Variants in SLC25A48 observed in about 807,000 individuals in gnomAD.
SLC25A48 encodes the protein solute carrier family 25 member 48.
A neutral mutation model predicts 32.2 loss-of-function variants in SLC25A48; 29 were observed. That is an observed-to-expected ratio of 0.90 (90% CI 0.67 to 1.23). The LOEUF (loss-of-function observed/expected upper bound fraction) is 1.23. Among genes scored for constraint, SLC25A48 ranks in the 50% most tolerant of loss-of-function variants. The probability of loss-of-function intolerance (pLI) is 0.00; values close to 1 mark genes in which losing one functional copy is unlikely to be tolerated. For synonymous variants in SLC25A48, 164 were observed against 172.3 expected (o/e 0.95, Z 0.38); for missense variants, 399 against 422.7 (o/e 0.94, Z 0.49).
At chr5:135,802,354 T>C (rs1053710799) in intron 3 of SLC25A48, among the ~76,000 whole-genome samples, 1 of 151,574 alleles carries the variant, frequency 6.6e-6, no homozygotes, top group Non-Finnish European at 1.5e-5. Flanking sequence ...ATATTATTTG[T>C]AATATCCTGG....
At chr5:135,866,411 G>A (rs1024388938) in intron 4 of SLC25A48, among the ~76,000 whole-genome samples, 1 of 152,240 alleles carries the variant, frequency 6.6e-6, no homozygotes, top group African/African-American at 2.4e-5. Context: ...CTTTGTGTTT[G>A]TGTCTGAGGA....
At chr5:135,673,162 C>T (rs1247750886) in intron 3 of SLC25A48, among the ~76,000 whole-genome samples, 1 of 152,108 alleles carries the variant, frequency 6.6e-6, no homozygotes, top group Non-Finnish European at 1.5e-5. Flanking sequence ...CAATTTGGGG[C>T]TATGACAAAT....
chr5:135,873,512 C>G (rs376732710), intron 5 of SLC25A48, among the ~76,000 whole-genome samples: 1 of 152,184 alleles, frequency 6.6e-6, no homozygotes, highest in African/African-American at 2.4e-5. Flanking sequence ...TTGTGAGCAG[C>G]CTGTCTGCCT....
chr5:135,803,432 C>A (rs1047415590), intron 3 of SLC25A48, among the ~76,000 whole-genome samples: 1 of 151,850 alleles, frequency 6.6e-6, no homozygotes, highest in Admixed American at 6.6e-5. Context: ...TGGGTGTACA[C>A]CCTGTGATAT....
chr5:135,668,498 A>G (rs1753574659), intron 3 of SLC25A48, among the ~76,000 whole-genome samples: 1 of 152,202 alleles, frequency 6.6e-6, no homozygotes. Context: ...GCTATTTGAT[A>G]TACTCATATC....
intron 1 of SLC25A48, among the ~76,000 whole-genome samples, chr5:135,620,607 A>G (rs1223623945): frequency 2.6e-5 from 4 of 152,144 alleles, no homozygotes; most frequent in Middle Eastern, 3.2e-3. Flanking sequence ...TCCTTGGGAC[A>G]TGAGAAAATG....
At chr5:135,742,441 T>A (rs2127001216) in intron 3 of SLC25A48, 2 of 1,503,520 alleles carry the variant, frequency 1.3e-6, no homozygotes, top group Non-Finnish European at 1.8e-6. Flanking sequence ...CTCCCAGTGG[T>A]TCCTGAGGTC....
At chr5:135,611,496 C>CAGAAAAA (rs1752062366) in intron 1 of SLC25A48, among the ~76,000 whole-genome samples, 1 of 21,340 alleles carries the variant, frequency 4.7e-5, no homozygotes, top group Non-Finnish European at 8.2e-5. Context: ...GACTCCATCT[C>CAGAAAAA]AAAAAAAAAA....
chr5:135,886,648 A>ATGTGTG (rs70976584), intron 7 of SLC25A48, among the ~76,000 whole-genome samples: 1 of 64,756 alleles, frequency 1.5e-5, no homozygotes, highest in African/African-American at 5.8e-5. Flanking sequence ...AAATATATAT[A>ATGTGTG]TGTGTGTGTG....
At chr5:135,682,437 G>C (rs773699699) in intron 3 of SLC25A48, among the ~76,000 whole-genome samples, 2 of 152,146 alleles carry the variant, frequency 1.3e-5, no homozygotes, top group Non-Finnish European at 2.9e-5. Context: ...GTATAAGTGT[G>C]CATGCATGTG....
intron 3 of SLC25A48, among the ~76,000 whole-genome samples, chr5:135,732,929 T>C (rs893728755): frequency 1.3e-4 from 20 of 152,214 alleles, no homozygotes; most frequent in Non-Finnish European, 8.8e-5. Flanking sequence ...TTGATGGCTC[T>C]TGCAGTGAAT....
chr5:135,852,369 C>T (rs193209414), intron 3 of SLC25A48, among the ~76,000 whole-genome samples, 194 bp from the exon 4 acceptor site: 1 of 152,332 alleles, frequency 6.6e-6, no homozygotes, highest in East Asian at 1.9e-4. Context: ...CTGCAGAAGC[C>T]GGGCTGTCCT....
rs747512321 is a variant in SLC25A48, at chr5:135,852,588, C to G, written c.188C>G (p.Ser63Cys). The G allele has an allele frequency of 3.7e-6, 6 of 1,601,070 alleles. No homozygotes were observed. The Admixed American group carries it at 6.7e-5, about 18-fold the overall frequency. ...ATGTTCGGCTTCTTCAAGGGCATGT[C>G]CTTCCCCCTCGCCAGCATTGCCGTC... ...ESMFGFFKGM[S>C]FPLASIAVYN... Residue 63 changes from serine (S) to cysteine (C), a missense_variant, in exon 4 of 8, where the codon TCC becomes TGC. By Grantham distance (112) the Ser-to-Cys change is moderately radical (BLOSUM62 -1). Coordinates refer to ENST00000681962, the MANE Select transcript of SLC25A48 (RefSeq NM_001349336.2).
intron 4 of SLC25A48, among the ~76,000 whole-genome samples, chr5:135,861,272 A>C (rs1372224471): frequency 3.0e-4 from 45 of 151,924 alleles, no homozygotes; most frequent in Admixed American, 3.0e-3. Flanking sequence ...GTAGATGGGC[A>C]ATATTTAAAA....
intron 4 of SLC25A48, among the ~76,000 whole-genome samples, chr5:135,829,472 C>T (rs537529956): frequency 3.3e-5 from 5 of 152,262 alleles, no homozygotes; most frequent in South Asian, 2.1e-4. Flanking sequence ...GATATCGCCG[C>T]GGCCCAGAAT....
chr5:135,649,466 T>A (rs1210438221), intron 3 of SLC25A48: 1 of 152,192 alleles, frequency 6.6e-6, no homozygotes, highest in African/African-American at 2.4e-5. Flanking sequence ...GGAGAAGGAA[T>A]ACGAACAGGT....
intron 3 of SLC25A48, among the ~76,000 whole-genome samples, chr5:135,752,267 A>G (rs1402801497): frequency 6.6e-6 from 1 of 152,202 alleles, no homozygotes; most frequent in African/African-American, 2.4e-5. Context: ...TTTGTCAAAC[A>G]CATAATTGAT....
chr5:135,669,425 G>A (rs147917115), intron 3 of SLC25A48, among the ~76,000 whole-genome samples: 116 of 152,230 alleles, frequency 7.6e-4, no homozygotes, highest in Non-Finnish European at 1.3e-3. Context: ...CTATCTGGGG[G>A]GAGGGATGTG....
In SLC25A48 at chr5:135,782,007, G is replaced by GA. The variant is rs1756725795; in HGVS notation, c.-520-30515dup. Among the ~76,000 whole-genome samples the GA allele has an allele frequency of 3.6e-5, 4 of 110,980 alleles. 2 individuals are homozygous for GA. Among genetic ancestry groups the GA allele is most frequent in the Non-Finnish European group, 8.9e-5 (4 of 44,828 alleles). The allele number at this position is 110,980 out of a possible 152,430, so 72.8% of individuals were successfully genotyped here. On this transcript the variant is annotated intron_variant, in intron 3 of 10. Coordinates refer to the SLC25A48 transcript ENST00000646290. ...CCTGTGATATTGTTTCTAATATCCA[G>GA]AGAAGAGGATGCTTTTATTCCCAAT...
Sources: gnomAD v4.1 joint callset for allele counts (sites outside exome capture counted in the v4.1 genomes callset) on GRCh38, gnomAD v4.1.1 for gene constraint, MANE v1.5 for transcripts, NCBI Gene and HGNC (gene_info 2026-07-23, HGNC 2026-07-21) for gene names.